The following RWDD3 variants were observed in gnomAD, a reference collection of about 807,000 sequenced individuals.
RWDD3 encodes RWD domain containing 3.
In RWDD3, 30 loss-of-function variants were observed where a neutral mutation model predicts 26.5. That is an observed-to-expected ratio of 1.13 (90% CI 0.85 to 1.54). The LOEUF (loss-of-function observed/expected upper bound fraction) is 1.54. RWDD3 is among the 40% of genes most tolerant of loss of function. The pLI is 0.00. For synonymous variants in RWDD3, 113 were observed against 114.5 expected (o/e 0.99, Z 0.09); for missense variants, 296 against 309.1 (o/e 0.96, Z 0.32).
chr1:95,235,783 G>A (rs1306251248), intron 1 of RWDD3, among the ~76,000 whole-genome samples: 2 of 152,028 alleles, frequency 1.3e-5, no homozygotes, highest in Non-Finnish European at 2.9e-5. Flanking sequence ...ATGGCCTCTA[G>A]GAGCTTACAG....
Position 95,246,911 on chromosome 1 carries a change from T to C in RWDD3, c.*41T>C. Reference sequence around the variant, plus strand: ...TCTTTTAGTAAAATAGCAGTGTTTTTTGTTGTTTTTGCATTGGATTTGGGG... The same window carrying C: ...TCTTTTAGTAAAATAGCAGTGTTTTCTGTTGTTTTTGCATTGGATTTGGGG... On this transcript the variant is annotated 3_prime_UTR_variant, in exon 4 of 4. Coordinates refer to ENST00000370202, the MANE Select transcript of RWDD3 (RefSeq NM_015485.5). The C allele has an allele frequency of 1.6e-6, 2 of 1,244,622 alleles. No individual in the cohort carries two copies. The highest frequency in any genetic ancestry group is 2.2e-6 in the Non-Finnish European group (2 of 910,156). The allele number at this position is 1,244,622 out of a possible 1,614,324, so 77.1% of individuals were successfully genotyped here.
intron 1 of RWDD3, among the ~76,000 whole-genome samples, chr1:95,241,259 G>A (rs1680606811): frequency 6.6e-6 from 1 of 152,146 alleles, no homozygotes; most frequent in Admixed American, 6.5e-5. Context: ...AGCCAGTAAG[G>A]AGACAGTGAA....
At position 95,247,220 on chromosome 1, in the gene RWDD3, A is replaced by G. The variant is rs1680883610; in HGVS notation, c.*350A>G. ...TTCTTGTAATTAAATGATTTTTTAAAAAAGATTTGTTTTCATGTTTGCTTT... is the reference window on the plus strand; with the variant it reads ...TTCTTGTAATTAAATGATTTTTTAAGAAAGATTTGTTTTCATGTTTGCTTT... On this transcript the variant is annotated 3_prime_UTR_variant, in exon 4 of 4. Transcript: ENST00000370202. The G allele has an allele frequency of 5.1e-5, 8 of 157,812 alleles. No homozygotes were observed. The Admixed American group carries it at 5.2e-4, about 10-fold the overall frequency. The allele number at this position is 157,812 out of a possible 1,614,324, so 9.8% of individuals were successfully genotyped here. A position where few individuals can be genotyped will look rare whatever the true frequency, so the allele number is the denominator to read the frequency against.
At chr1:95,238,564 G>A (rs1043402695) in intron 1 of RWDD3, among the ~76,000 whole-genome samples, 3 of 151,474 alleles carry the variant, frequency 2.0e-5, no homozygotes, top group East Asian at 1.9e-4. Context: ...GGGTGCTGAA[G>A]GTTTCTTGGT....
intron 1 of RWDD3, among the ~76,000 whole-genome samples, chr1:95,238,793 A>G (rs1403008422): frequency 6.6e-6 from 1 of 152,116 alleles, no homozygotes; most frequent in Non-Finnish European, 1.5e-5. Context: ...GTATTTTATT[A>G]AGTAGAATGA....
chr1:95,246,485 C>T, intron 2 of RWDD3, 57 bp from the exon 3 acceptor site: 2 of 994,460 alleles, frequency 2.0e-6, no homozygotes, highest in South Asian at 1.5e-5. Context: ...TCCTTTAAAA[C>T]TGGGACTTTG....
chr1:95,234,683 C>T (rs1680218205), intron 1 of RWDD3, among the ~76,000 whole-genome samples: 1 of 151,300 alleles, frequency 6.6e-6, no homozygotes. Context: ...CCTTCCTAAG[C>T]ACTATGCCCT....
At chr1:95,235,332 G>GTGAGCCAC (rs945822103) in intron 1 of RWDD3, among the ~76,000 whole-genome samples, 1 of 140,616 alleles carries the variant, frequency 7.1e-6, no homozygotes, top group Non-Finnish European at 1.5e-5. Context: ...GATTACAGGC[G>GTGAGCCAC]TGAGCCACTG....
At position 95,244,490 on chromosome 1, in the gene RWDD3, G is replaced by A. The variant is rs373530624; in HGVS notation, c.365G>A (p.Ser122Asn). The change falls in exon 2 of 4, where the codon AGT (serine) becomes AAT (asparagine). Residue 122 changes from serine to asparagine, a missense_variant. Physicochemically the swap from Ser to Asn is conservative, Grantham distance 46 (BLOSUM62 1). Transcript: ENST00000370202. ...RHILSQPETG[S>N]GSEKCTFSTS... Reference sequence around the variant, plus strand: ...ATCCTCAGCCAACCAGAAACTGGCAGTGGCAGTGAAAAGTGTACTTTTTCA... The same window carrying A: ...ATCCTCAGCCAACCAGAAACTGGCAATGGCAGTGAAAAGTGTACTTTTTCA... The A allele has an allele frequency of 6.2e-7, 1 of 1,614,198 alleles. No individual in the cohort carries two copies. The highest frequency in any genetic ancestry group is 8.5e-7 in the Non-Finnish European group (1 of 1,180,036).
At chr1:95,238,727 T>G (rs1031289373) in intron 1 of RWDD3, among the ~76,000 whole-genome samples, 1 of 152,210 alleles carries the variant, frequency 6.6e-6, no homozygotes, top group African/African-American at 2.4e-5. Context: ...ATTTTACCTT[T>G]TTTTAAAAAT....
At chr1:95,241,172 TAATC>T (rs1680603765) in intron 1 of RWDD3, among the ~76,000 whole-genome samples, 1 of 151,960 alleles carries the variant, frequency 6.6e-6, no homozygotes, top group African/African-American at 2.4e-5. Flanking sequence ...AAAAAAAGTA[TAATC>T]AAGTGGCCCA....
Position 95,244,180 on chromosome 1 carries a change from C to T in RWDD3, c.86-31C>T, listed in dbSNP as rs974795601. The T allele has an allele frequency of 3.1e-6, 5 of 1,599,710 alleles. No individual in the cohort carries two copies. In the African/African-American group the frequency reaches 5.4e-5, roughly 17 times the overall value. On this transcript the variant is annotated intron_variant, in intron 1 of 3. Transcript: ENST00000370202. ...TGTTCCATTCAAATTGAATAATGTA[C>T]AGCTAATGATTATTTTTGGATGCCT...
chr1:95,235,943 C>T (rs1390747386), intron 1 of RWDD3, among the ~76,000 whole-genome samples: 1 of 151,954 alleles, frequency 6.6e-6, no homozygotes, highest in African/African-American at 2.4e-5. Flanking sequence ...ACATTATGTA[C>T]ATGTTTGGGG....
At chr1:95,243,399 A>C (rs1680715543) in intron 1 of RWDD3, 1 of 152,204 alleles carries the variant, frequency 6.6e-6, no homozygotes, top group East Asian at 1.9e-4. Flanking sequence ...GGGTAGAGAG[A>C]GGCAAGTTAG....
chr1:95,247,029 A>T lies in RWDD3; in HGVS notation c.*159A>T. 1 of 437,788 alleles carries T rather than the reference A, an allele frequency of 2.3e-6. No homozygotes were observed. Among genetic ancestry groups the T allele is most frequent in the Non-Finnish European group, 4.1e-6 (1 of 246,498 alleles). 27.1% of individuals were successfully genotyped at this position (437,788 alleles called of 1,614,324 possible). A position where few individuals can be genotyped will look rare whatever the true frequency, so the allele number is the denominator to read the frequency against. On this transcript the variant is annotated 3_prime_UTR_variant, in exon 4 of 4. Coordinates refer to ENST00000370202, the MANE Select transcript of RWDD3 (RefSeq NM_015485.5). The stretch of plus-strand genomic sequence containing the variant: ...CAGGAACAAAAGCCAGTTCTGTTTT[A>T]TGAAATATTAAACATGAAGAAAACT...
At chr1:95,234,414 G>A (rs1430851238) in intron 1 of RWDD3, 99 bp downstream of exon 1, 4 of 1,083,358 alleles carry the variant, frequency 3.7e-6, no homozygotes, top group Non-Finnish European at 5.5e-6. Flanking sequence ...CCCCGCCTGG[G>A]CCCACGTATG....
intron 1 of RWDD3, among the ~76,000 whole-genome samples, chr1:95,240,671 A>G (rs1680577703): frequency 6.6e-6 from 1 of 152,062 alleles, no homozygotes; most frequent in Admixed American, 6.5e-5. Context: ...GGAATTTGTA[A>G]TTCATTTCAT....
chr1:95,244,112 G>T, intron 1 of RWDD3, 99 bp from the exon 2 acceptor site: 1 of 1,506,794 alleles, frequency 6.6e-7, no homozygotes. Flanking sequence ...GTTTTCTCAT[G>T]AAAAATAAAT....
In RWDD3 at chr1:95,247,087, G is replaced by A; in HGVS notation, c.*217G>A. On this transcript the variant is annotated 3_prime_UTR_variant, in exon 4 of 4. Coordinates refer to ENST00000370202, the MANE Select transcript of RWDD3 (RefSeq NM_015485.5). ...TCTAATGTTTGCCAGGAAAGGCTAG[G>A]TTCAGTAGATGAGACATTATTTAAA... 1 of 331,480 alleles carries A rather than the reference G, an allele frequency of 3.0e-6. No individual in the cohort carries two copies. The highest frequency in any genetic ancestry group is 5.4e-6 in the Non-Finnish European group (1 of 184,124). 20.5% of individuals were successfully genotyped at this position (331,480 alleles called of 1,614,324 possible). A position where few individuals can be genotyped will look rare whatever the true frequency, so the allele number is the denominator to read the frequency against.
Sources: gnomAD v4.1 joint callset for allele counts (sites outside exome capture counted in the v4.1 genomes callset) on GRCh38, gnomAD v4.1.1 for gene constraint, MANE v1.5 for transcripts, NCBI Gene and HGNC (gene_info 2026-07-23, HGNC 2026-07-21) for gene names.